The following STPG2 variants were observed in gnomAD, a reference collection of about 807,000 sequenced individuals.
STPG2 encodes sperm-tail PG-rich repeat-containing protein 2.
A neutral mutation model predicts 54.2 loss-of-function variants in STPG2; 56 were observed. The observed-to-expected ratio is 1.03, with a 90% CI of 0.83 to 1.29. STPG2 has a LOEUF of 1.29. STPG2 is among the 50% of genes most tolerant of loss of function. The pLI is 0.00. For missense variants in STPG2, 596 were observed against 544.9 expected, an observed-to-expected ratio of 1.09 and a Z score of -0.93; for synonymous variants, 200 against 181.8, an observed-to-expected ratio of 1.10 and a Z score of -0.81.
intron 8 of STPG2, among the ~76,000 whole-genome samples, chr4:97,850,901 C>T (rs1180854223): frequency 2.0e-5 from 3 of 152,116 alleles, no homozygotes; most frequent in Non-Finnish European, 4.4e-5. Context: ...TAATCTCAGT[C>T]ATAATAGCTC....
downstream of STPG2, among the ~76,000 whole-genome samples, chr4:97,558,026 G>A (rs1018600603): frequency 6.6e-6 from 1 of 152,118 alleles, no homozygotes; most frequent in African/African-American, 2.4e-5. Context: ...TCTTAACAAG[G>A]AATAGTTGTC....
intron 7 of STPG2, among the ~76,000 whole-genome samples, chr4:97,962,486 G>C (rs766280457): frequency 4.6e-5 from 7 of 151,648 alleles, no homozygotes; most frequent in Non-Finnish European, 8.8e-5. Context: ...TTAAACACAA[G>C]GTTTACCAGA....
chr4:97,780,658 C>T (rs1207940879), intron 9 of STPG2, among the ~76,000 whole-genome samples: 1 of 142,494 alleles, frequency 7.0e-6, no homozygotes, highest in South Asian at 2.4e-4. Flanking sequence ...ACACTTATTC[C>T]AAAATTGACC....
intron 8 of STPG2, among the ~76,000 whole-genome samples, chr4:97,934,460 C>T (rs1204209718): frequency 1.3e-5 from 2 of 152,158 alleles, no homozygotes; most frequent in African/African-American, 4.8e-5. Flanking sequence ...AGAATGCTTC[C>T]AGCTTTTTCC....
chr4:97,720,419 G>T (rs926853629), intron 9 of STPG2, among the ~76,000 whole-genome samples: 26 of 152,032 alleles, frequency 1.7e-4, no homozygotes, highest in African/African-American at 6.3e-4. Flanking sequence ...CAGAGCTGTG[G>T]CTTCACTTTA....
intron 4 of STPG2, among the ~76,000 whole-genome samples, chr4:97,527,286 G>A (rs1298768109): frequency 1.3e-5 from 2 of 152,094 alleles, no homozygotes; most frequent in East Asian, 3.9e-4. Context: ...TGCTGAGGAT[G>A]ATAGCTTCCA....
chr4:97,779,688 C>T (rs1726534245), intron 9 of STPG2, among the ~76,000 whole-genome samples: 2 of 152,234 alleles, frequency 1.3e-5, no homozygotes, highest in South Asian at 2.1e-4. Context: ...AGAGAAAGAT[C>T]GAGTTACCCA....
intron 4 of STPG2, among the ~76,000 whole-genome samples, chr4:97,532,156 A>AATAG (rs1418210572): frequency 3.9e-5 from 6 of 152,134 alleles, no homozygotes; most frequent in African/African-American, 1.4e-4. Flanking sequence ...CCTGTGGTTA[A>AATAG]ATAGACTTTT....
intron 1 of STPG2, among the ~76,000 whole-genome samples, chr4:98,140,897 G>A (rs1490486674): frequency 6.6e-6 from 1 of 152,200 alleles, no homozygotes; most frequent in East Asian, 1.9e-4. Flanking sequence ...TCACCTTAGA[G>A]ACATAAATCA....
chr4:97,596,394 C>T (rs1271584277), intron 10 of STPG2, among the ~76,000 whole-genome samples: 3 of 152,072 alleles, frequency 2.0e-5, no homozygotes, highest in Non-Finnish European at 4.4e-5. Flanking sequence ...GGAACCTGAA[C>T]TTGACACTTG....
chr4:97,591,443 T>A (rs1733144526), intron 10 of STPG2, among the ~76,000 whole-genome samples: 1 of 152,204 alleles, frequency 6.6e-6, no homozygotes. Context: ...TCCATGTGAA[T>A]CATTCCATAA....
At chr4:97,849,427 C>A (rs868538712) in intron 8 of STPG2, among the ~76,000 whole-genome samples, 11 of 151,766 alleles carry the variant, frequency 7.2e-5, no homozygotes, top group African/African-American at 1.2e-4. Context: ...AATAGGATCT[C>A]ATTAAACTAA....
intron 9 of STPG2, among the ~76,000 whole-genome samples, chr4:97,772,752 C>T (rs1560521573): frequency 1.3e-5 from 2 of 151,908 alleles, no homozygotes; most frequent in African/African-American, 4.8e-5. Context: ...ACTTTGTTAC[C>T]TCAAAATTTA....
At chr4:97,607,280 T>A (rs1733620770) in intron 10 of STPG2, among the ~76,000 whole-genome samples, 1 of 152,026 alleles carries the variant, frequency 6.6e-6, no homozygotes, top group South Asian at 2.1e-4. Context: ...TCCCTCTCTT[T>A]TTCTCTGCAA....
At chr4:98,040,281 TCTG>T (rs1736909494) in intron 5 of STPG2, among the ~76,000 whole-genome samples, 1 of 152,056 alleles carries the variant, frequency 6.6e-6, no homozygotes, top group Non-Finnish European at 1.5e-5. Context: ...GTCTGTTCAC[TCTG>T]TTGATTATTT....
intron 8 of STPG2, among the ~76,000 whole-genome samples, chr4:97,862,299 G>T (rs1729581013): frequency 6.6e-6 from 1 of 152,024 alleles, no homozygotes; most frequent in Non-Finnish European, 1.5e-5. Context: ...TGCAATCCTA[G>T]TCTATGATAA....
intron 5 of STPG2, among the ~76,000 whole-genome samples, chr4:98,094,097 G>A (rs1738773050): frequency 1.3e-5 from 2 of 152,278 alleles, no homozygotes; most frequent in South Asian, 4.1e-4. Context: ...GAGAGCTTGT[G>A]CCGTGCCTCC....
At chr4:97,913,751 T>A (rs1292019912) in intron 8 of STPG2, among the ~76,000 whole-genome samples, 1 of 152,146 alleles carries the variant, frequency 6.6e-6, no homozygotes, top group Non-Finnish European at 1.5e-5. Context: ...GTTTCAAATT[T>A]TAAAACTTTC....
At chr4:97,599,334 T>C (rs189549355) in intron 10 of STPG2, among the ~76,000 whole-genome samples, 1 of 152,280 alleles carries the variant, frequency 6.6e-6, no homozygotes, top group Admixed American at 6.5e-5. Context: ...AAAGCAGTGT[T>C]TTGTGATTCC....
Sources: allele counts gnomAD v4.1 joint callset (sites outside exome capture counted in the v4.1 genomes callset), GRCh38; gene constraint gnomAD v4.1.1; transcripts MANE v1.5; gene names NCBI Gene and HGNC (gene_info 2026-07-23, HGNC 2026-07-21).